MEGF6: variants seen among roughly 807,000 people sequenced by gnomAD.
MEGF6 encodes multiple epidermal growth factor-like domains protein 6.
In MEGF6, 184 loss-of-function variants were observed where a neutral mutation model predicts 207.1. The observed-to-expected ratio is 0.89, with a 90% CI of 0.79 to 1.00. The LOEUF (loss-of-function observed/expected upper bound fraction) is 1.00, where lower values mean the gene tolerates loss of function less well. Ranked by LOEUF, MEGF6 falls within the 50% of genes least tolerant of loss-of-function variation. MEGF6 has a pLI of 0.00. For missense variants in MEGF6, 2,282 were observed against 2,202.9 expected (o/e 1.04, Z -0.72); for synonymous variants, 1,038 against 910.0 (o/e 1.14, Z -2.53).
chr1:3,611,733 C>A (rs1644330675), upstream of MEGF6, among the ~76,000 whole-genome samples: 1 of 117,996 alleles, frequency 8.5e-6, no homozygotes, highest in Non-Finnish European at 2.0e-5. Context: ...CCCTAGCCCC[C>A]TCCCCTCTCC....
rs61762172 is a variant in MEGF6, at chr1:3,536,458, C to G, written c.482-12212G>C. On this transcript the variant is annotated intron_variant, in intron 4 of 36. Transcript: ENST00000356575. ...GGGGTGCGGAGGGCTCTGGGCCGTCCCTCCTGCTAGGCTAGGGAGGAGCCC... is the reference window on the plus strand; with the variant it reads ...GGGGTGCGGAGGGCTCTGGGCCGTCGCTCCTGCTAGGCTAGGGAGGAGCCC... Among the ~76,000 whole-genome samples, 670 of 152,272 alleles carry G rather than the reference C, an allele frequency of 4.4e-3. 4 individuals carry two copies. The highest frequency in any genetic ancestry group is 6.5e-3 in the Non-Finnish European group (443 of 68,010).
At chr1:3,591,659 G>A (rs1001572024) in intron 3 of MEGF6, among the ~76,000 whole-genome samples, 6 of 145,770 alleles carry the variant, frequency 4.1e-5, no homozygotes, top group African/African-American at 1.5e-4. Context: ...AGCTCACAAG[G>A]GACCTGATGG....
intron 6 of MEGF6, among the ~76,000 whole-genome samples, chr1:3,514,968 C>A (rs1319332839): frequency 6.6e-6 from 1 of 152,174 alleles, no homozygotes; most frequent in Non-Finnish European, 1.5e-5. Flanking sequence ...AAGGCGGCGG[C>A]CCCCCAGCTC....
At chr1:3,592,692 T>A (rs943215636) in intron 3 of MEGF6, among the ~76,000 whole-genome samples, 1 of 152,168 alleles carries the variant, frequency 6.6e-6, no homozygotes, top group South Asian at 2.1e-4. Flanking sequence ...GTGTGAACCC[T>A]GACTCCTACC....
At chr1:3,531,423 G>A (rs1275731953) in intron 4 of MEGF6, 1 of 1,128,234 alleles carries the variant, frequency 8.9e-7, no homozygotes, top group Non-Finnish European at 1.1e-6. Context: ...GGCCGGGCGC[G>A]CCCCGCCCCT....
At position 3,539,716 on chromosome 1, in the gene MEGF6, G is replaced by A. The variant is rs1361035001; in HGVS notation, c.482-15470C>T. Among the ~76,000 whole-genome samples, 3 of 152,272 alleles carry A rather than the reference G, an allele frequency of 2.0e-5. No homozygotes were observed. In the East Asian group the frequency reaches 5.8e-4, roughly 29 times the overall value. On this transcript the variant is annotated intron_variant, in intron 4 of 36. Transcript: ENST00000356575. ...GGGCGCCTCGGTTTCCCCAGCCCAG[G>A]AGGCCCTTGGCTTGGTGACAGAAGC...
intron 5 of MEGF6, among the ~76,000 whole-genome samples, chr1:3,522,259 G>T (rs958086573): frequency 2.6e-5 from 4 of 152,180 alleles, no homozygotes; most frequent in Non-Finnish European, 5.9e-5. Context: ...GCAGGCGAGA[G>T]TCTCACCTGG....
chr1:3,519,561 TTCTCCAGAGCGTTTAGGA>T (rs1641669187), intron 5 of MEGF6, among the ~76,000 whole-genome samples: 1 of 152,218 alleles, frequency 6.6e-6, no homozygotes, highest in Non-Finnish European at 1.5e-5. Flanking sequence ...CGGGTTCAGC[TTCTCCAGAGCGTTTAGGA>T]AGGCGCCTTA....
intron 2 of MEGF6, among the ~76,000 whole-genome samples, chr1:3,600,902 C>A (rs895483826): frequency 1.3e-5 from 2 of 152,174 alleles, no homozygotes; most frequent in Non-Finnish European, 2.9e-5. Context: ...CGGAGGTGGA[C>A]CTCGGCCCCT....
rs548746071 is a variant in MEGF6, at chr1:3,542,146, C to T, written c.482-17900G>A. 3.9e-5 allele frequency among the ~76,000 whole-genome samples: 6 copies of T among 152,334 alleles called. No homozygotes were observed. The South Asian group carries it at 1.2e-3, about 32-fold the overall frequency. Reference sequence around the variant, plus strand: ...TTATCTCCTGGAAGGAGGGGTCAGCCGGGGTGGGAGCAGCACAGTGTCGGG... The same window carrying T: ...TTATCTCCTGGAAGGAGGGGTCAGCTGGGGTGGGAGCAGCACAGTGTCGGG... On this transcript the variant is annotated intron_variant, in intron 4 of 36. Transcript: ENST00000356575.
intron 3 of MEGF6, among the ~76,000 whole-genome samples, chr1:3,592,357 G>C (rs78335503): frequency 0.022 from 3,392 of 152,154 alleles, 72 homozygotes; most frequent in South Asian, 0.091. Context: ...CTGACGTTCC[G>C]GGCTCCCAGG....
chr1:3,571,319 G>A (rs1453693352), intron 4 of MEGF6, among the ~76,000 whole-genome samples: 1 of 152,174 alleles, frequency 6.6e-6, no homozygotes, highest in Non-Finnish European at 1.5e-5. Context: ...CACCATGGAG[G>A]CCAGAAGCCT....
chr1:3,490,868 C>G (rs774825179), intron 36 of MEGF6, 44 bp downstream of exon 36: 1 of 1,556,360 alleles, frequency 6.4e-7, no homozygotes, highest in South Asian at 1.2e-5. Flanking sequence ...TTTGCCATAA[C>G]CCACCCTCCT....
chr1:3,538,276 C>T (rs1053686759), intron 4 of MEGF6, among the ~76,000 whole-genome samples: 1 of 152,198 alleles, frequency 6.6e-6, no homozygotes, highest in Non-Finnish European at 1.5e-5. Context: ...GCGTTCCTCG[C>T]ACCCCTTCTC....
At chr1:3,512,328 C>T (rs1348736316) in intron 7 of MEGF6, among the ~76,000 whole-genome samples, 200 bp from the exon 8 acceptor site, 1 of 152,268 alleles carries the variant, frequency 6.6e-6, no homozygotes, top group Non-Finnish European at 1.5e-5. Context: ...TTGGCACCCA[C>T]ACAGGTCTCA....
intron 3 of MEGF6, among the ~76,000 whole-genome samples, chr1:3,582,875 G>A (rs761308734): frequency 1.3e-5 from 2 of 152,160 alleles, no homozygotes; most frequent in Non-Finnish European, 2.9e-5. Flanking sequence ...CTGTGATTAG[G>A]CACTCAGTTG....
chr1:3,581,508 C>A (rs911688869), intron 3 of MEGF6, among the ~76,000 whole-genome samples: 1 of 152,208 alleles, frequency 6.6e-6, no homozygotes, highest in Admixed American at 6.5e-5. Context: ...GACCGGGGAC[C>A]AACCCGGGGC....
intron 4 of MEGF6, among the ~76,000 whole-genome samples, chr1:3,537,449 G>A (rs1642367355): frequency 6.6e-6 from 1 of 152,234 alleles, no homozygotes; most frequent in Non-Finnish European, 1.5e-5. Flanking sequence ...CAGGCACCCA[G>A]GTGGAGCGGC....
chr1:3,540,554 C>T lies in MEGF6; in HGVS notation c.482-16308G>A, dbSNP rs78505804. ...CCTGCGAGGGCAGCCTTCCCCACAG[C>T]TGTGTTTGCTTGTTCACTCCTGCTG... On this transcript the variant is annotated intron_variant, in intron 4 of 36. Transcript: ENST00000356575. Among the ~76,000 whole-genome samples the T allele has an allele frequency of 1.7e-3, 265 of 152,360 alleles. 4 individuals carry two copies. The East Asian group carries it at 0.04, about 23-fold the overall frequency.
Sources: gnomAD v4.1 joint callset for allele counts (sites outside exome capture counted in the v4.1 genomes callset) on GRCh38, gnomAD v4.1.1 for gene constraint, MANE v1.5 for transcripts, NCBI Gene and HGNC (gene_info 2026-07-23, HGNC 2026-07-21) for gene names.